FGF13: variants seen among roughly 807,000 people sequenced by gnomAD.
FGF13 encodes fibroblast growth factor 13, also known as fibroblast growth factor homologous factor 2.
FGF13 carries 2 observed loss-of-function variants against 19.5 expected under a neutral mutation model. That is an observed-to-expected ratio of 0.10 (90% CI 0.04 to 0.32). The LOEUF (loss-of-function observed/expected upper bound fraction) is 0.32, where lower values mean the gene tolerates loss of function less well. Ranked by LOEUF, FGF13 falls within the 10% of genes least tolerant of loss-of-function variation. FGF13 has a pLI of 1.00. For missense variants in FGF13, 113 were observed against 192.7 expected (o/e 0.59, Z 2.45); for synonymous variants, 72 against 76.9 (o/e 0.94, Z 0.33).
chrX:139,020,668 C>T (rs2092174379), intron 1 of FGF13, among the ~76,000 whole-genome samples: 1 of 111,323 alleles, frequency 9.0e-6, no homozygotes, highest in African/African-American at 3.3e-5. Context: ...ATTGTAGACA[C>T]TCGATAATTC....
intron 1 of FGF13, among the ~76,000 whole-genome samples, chrX:139,088,393 T>C (rs923468535): frequency 7.2e-5 from 8 of 111,262 alleles, no homozygotes; most frequent in African/African-American, 2.6e-4. Context: ...GGAATTCTAT[T>C]TGTTAACATA....
At chrX:138,835,006 G>A (rs2091101262) in intron 3 of FGF13, among the ~76,000 whole-genome samples, 1 of 111,841 alleles carries the variant, frequency 8.9e-6, no homozygotes, top group Non-Finnish European at 1.9e-5. Flanking sequence ...ATTTGATTGT[G>A]CTATGGTCCA....
At chrX:139,189,805 G>C (rs972773055) in intron 1 of FGF13, among the ~76,000 whole-genome samples, 2 of 111,664 alleles carry the variant, frequency 1.8e-5, no homozygotes, top group Non-Finnish European at 3.8e-5. Context: ...CTACTGATCT[G>C]TACACATAAA....
At chrX:138,648,818 G>A (rs1426358285) in intron 3 of FGF13, among the ~76,000 whole-genome samples, 4 of 111,269 alleles carry the variant, frequency 3.6e-5, no homozygotes, top group Non-Finnish European at 7.5e-5. Context: ...AGAATCAAAC[G>A]TCAGCATGTC....
intron 1 of FGF13, among the ~76,000 whole-genome samples, chrX:138,902,752 G>A (rs1278166756): frequency 9.0e-6 from 1 of 111,493 alleles, no homozygotes; most frequent in Admixed American, 9.6e-5. Flanking sequence ...ATCTATGAAG[G>A]AAGTCTATAT....
At chrX:139,084,391 C>G (rs770202535) in intron 1 of FGF13, among the ~76,000 whole-genome samples, 5 of 111,866 alleles carry the variant, frequency 4.5e-5, no homozygotes, top group African/African-American at 1.6e-4. Context: ...GGACAAGTCC[C>G]TTTCCTTGCC....
intron 3 of FGF13, among the ~76,000 whole-genome samples, chrX:138,649,036 G>C (rs757903722): frequency 4.5e-5 from 5 of 111,719 alleles, no homozygotes; most frequent in Non-Finnish European, 9.4e-5. Context: ...TTACCTTAAA[G>C]ATAATCAAGG....
chrX:139,037,358 C>T (rs760291106), intron 1 of FGF13, among the ~76,000 whole-genome samples: 33 of 110,645 alleles, frequency 3.0e-4, no homozygotes, highest in African/African-American at 9.2e-4. Flanking sequence ...CATGAGCATG[C>T]TTGACAGTAG....
At chrX:139,089,845 T>C (rs1250689155) in intron 1 of FGF13, among the ~76,000 whole-genome samples, 1 of 111,277 alleles carries the variant, frequency 9.0e-6, no homozygotes, top group African/African-American at 3.3e-5. Flanking sequence ...GTGACCATCA[T>C]TATTATTATT....
At chrX:138,965,496 G>A (rs587646) in intron 1 of FGF13, among the ~76,000 whole-genome samples, 4 of 110,276 alleles carry the variant, frequency 3.6e-5, no homozygotes, top group South Asian at 3.9e-4. Flanking sequence ...CCAGGTGCCC[G>A]TCTATATTCT....
intron 3 of FGF13, among the ~76,000 whole-genome samples, chrX:138,803,456 A>C (rs756068401): frequency 8.9e-6 from 1 of 112,062 alleles, no homozygotes; most frequent in South Asian, 3.7e-4. Context: ...TGTTTATTGA[A>C]GTCCATTCCA....
intron 1 of FGF13, among the ~76,000 whole-genome samples, chrX:138,966,567 T>C (rs2091895925): frequency 1.8e-5 from 2 of 112,431 alleles, no homozygotes; most frequent in Non-Finnish European, 3.8e-5. Context: ...GTATGCCCAT[T>C]GTAACTGGAA....
At chrX:138,958,595 G>T (rs1255861059) in intron 1 of FGF13, among the ~76,000 whole-genome samples, 2 of 111,893 alleles carry the variant, frequency 1.8e-5, no homozygotes, top group African/African-American at 3.2e-5. Context: ...CAGAAGGAAT[G>T]GTATCAGCTC....
chrX:139,057,016 C>T lies in FGF13; in HGVS notation c.-113+146400G>A, dbSNP rs186102290. Among the ~76,000 whole-genome samples the T allele has an allele frequency of 4.5e-5, 5 of 111,602 alleles. No individual in the cohort carries two copies. In the Admixed American group the frequency reaches 4.8e-4, roughly 11 times the overall value. The stretch of plus-strand genomic sequence containing the variant: ...AAAGTCAGGAGACTTGCCCACTAGG[C>T]CCATGTTGCCTGGTCATGTCCATTC... On this transcript the variant is annotated intron_variant, in intron 1 of 2. Transcript: ENST00000421460.
intron 3 of FGF13, among the ~76,000 whole-genome samples, chrX:138,776,229 T>C (rs1331701276): frequency 1.8e-5 from 2 of 112,507 alleles, no homozygotes; most frequent in East Asian, 2.8e-4. Context: ...TTGTGACCTA[T>C]GATTTTACTT....
At chrX:138,710,782 A>G (rs772262025) in intron 1 of FGF13, 35 bp downstream of exon 1, 2 of 1,205,446 alleles carry the variant, frequency 1.7e-6, no homozygotes, top group Non-Finnish European at 2.2e-6. Context: ...TCACTCGTAA[A>G]GTATGGGGAA....
chrX:138,674,491 G>A (rs937257298), intron 3 of FGF13, among the ~76,000 whole-genome samples: 1 of 111,109 alleles, frequency 9.0e-6, no homozygotes, highest in Non-Finnish European at 1.9e-5. Flanking sequence ...ATCAATATCT[G>A]AAAGTGTGAT....
chrX:138,995,731 C>T (rs1212986425), intron 1 of FGF13, among the ~76,000 whole-genome samples: 1 of 112,088 alleles, frequency 8.9e-6, no homozygotes, highest in Non-Finnish European at 1.9e-5. Context: ...AGGTTAATTC[C>T]ATGTCTTTGG....
At chrX:138,964,179 C>T (rs2091886056) in intron 1 of FGF13, among the ~76,000 whole-genome samples, 1 of 111,660 alleles carries the variant, frequency 9.0e-6, no homozygotes, top group Non-Finnish European at 1.9e-5. Context: ...GAAGGATTCA[C>T]TGAGAGAAGA....
Sources: gnomAD v4.1 joint callset for allele counts (sites outside exome capture counted in the v4.1 genomes callset) on GRCh38, gnomAD v4.1.1 for gene constraint, MANE v1.5 for transcripts, NCBI Gene and HGNC (gene_info 2026-07-23, HGNC 2026-07-21) for gene names.